The following ZNF595 variants were observed in gnomAD, a reference collection of about 807,000 sequenced individuals.
The protein encoded by ZNF595 is zinc finger protein 595.
Under a neutral mutation model 19.4 loss-of-function variants are expected in ZNF595, and 9 were observed. The ratio of observed to expected loss-of-function variants is 0.46; its 90% CI spans 0.28 to 0.81. The LOEUF is 0.81. ZNF595 is among the 30% of genes least tolerant of loss of function. The pLI is 0.11. For missense variants in ZNF595, 729 were observed against 736.0 expected, an observed-to-expected ratio of 0.99 and a Z score of 0.11; for synonymous variants, 255 against 255.9, an observed-to-expected ratio of 1.00 and a Z score of 0.03.
At chr4:77,539 T>C (rs539644758) in intron 3 of ZNF595, among the ~76,000 whole-genome samples, 1 of 152,178 alleles carries the variant, frequency 6.6e-6, no homozygotes, top group Non-Finnish European at 1.5e-5. Context: ...CTTTCAGTCA[T>C]TACAGACTAG....
intron 3 of ZNF595, among the ~76,000 whole-genome samples, chr4:79,142 C>G (rs1218309400): frequency 6.6e-6 from 1 of 152,098 alleles, no homozygotes; most frequent in South Asian, 2.1e-4. Context: ...CTGAAGAACA[C>G]CATTTTACTT....
At chr4:73,775 T>C (rs1713530112) in intron 3 of ZNF595, among the ~76,000 whole-genome samples, 1 of 152,172 alleles carries the variant, frequency 6.6e-6, no homozygotes, top group African/African-American at 2.4e-5. Flanking sequence ...TTTTATCAAA[T>C]CCTTTAACTT....
At chr4:74,882 T>G (rs1713581934) in intron 3 of ZNF595, among the ~76,000 whole-genome samples, 1 of 152,242 alleles carries the variant, frequency 6.6e-6, no homozygotes, top group Non-Finnish European at 1.5e-5. Context: ...TCCCTTTAGC[T>G]TAGTGATTTG....
chr4:86,858 TA>T lies in ZNF595; in HGVS notation c.1355del (p.Tyr452SerfsTer16). ...HKRIHSGQKP[Y>X]KCEECGKAFT... ...GAGAATCCATTCTGGGCAAAAACCT[TA>T]CAAATGTGAAGAATGTGGCAAAGCC... On this transcript the variant is annotated frameshift_variant, in exon 4 of 4. Coordinates refer to ENST00000610261, the MANE Select transcript of ZNF595 (RefSeq NM_182524.4). LOFTEE classifies it high-confidence loss of function. 6.2e-7 allele frequency: 1 copy of T among 1,613,752 alleles called. No individual in the cohort carries two copies. Among genetic ancestry groups the T allele is most frequent in the Non-Finnish European group, 8.5e-7 (1 of 1,179,848 alleles).
intron 3 of ZNF595, among the ~76,000 whole-genome samples, chr4:78,201 G>A (rs1199095288): frequency 6.6e-6 from 1 of 152,094 alleles, no homozygotes; most frequent in African/African-American, 2.4e-5. Flanking sequence ...GTAGAGATGG[G>A]GTTTCACCGT....
At position 86,557 on chromosome 4, in the gene ZNF595, A is replaced by G. The variant is rs781953753; in HGVS notation, c.1053A>G (p.Gln351=). 2.0e-5 allele frequency: 33 copies of G among 1,613,354 alleles called. No homozygotes were observed. In the Middle Eastern group the frequency reaches 8.2e-4, roughly 40 times the overall value. ...AAAAATGTGGCAAAGCTTTTAACCAATCCTCAAGTCTTATTATACACAGGA... is the reference window on the plus strand; with the variant it reads ...AAAAATGTGGCAAAGCTTTTAACCAGTCCTCAAGTCTTATTATACACAGGA... ...TCEKCGKAFN[Q]SSSLIIHRSI... Residue 351 remains glutamine, a synonymous_variant, in exon 4 of 4, where the codon CAA becomes CAG. Coordinates refer to ENST00000610261, the MANE Select transcript of ZNF595 (RefSeq NM_182524.4).
intron 3 of ZNF595, among the ~76,000 whole-genome samples, chr4:80,565 G>A (rs374374267): frequency 3.3e-5 from 5 of 152,168 alleles, no homozygotes; most frequent in South Asian, 2.1e-4. Flanking sequence ...CCAAAAAAGA[G>A]AGTCAGCGAA....
rs536947707 is a variant in ZNF595, at chr4:82,882, A to G, written c.227-2849A>G. Reference sequence around the variant, plus strand: ...AGAGTTCTCTACAATTCTATTAGACATAATTGTTTTATACTGCTTTGAAGT... The same window carrying G: ...AGAGTTCTCTACAATTCTATTAGACGTAATTGTTTTATACTGCTTTGAAGT... On this transcript the variant is annotated intron_variant, in intron 3 of 3. Coordinates refer to ENST00000610261, the MANE Select transcript of ZNF595 (RefSeq NM_182524.4). Among the ~76,000 whole-genome samples the G allele has an allele frequency of 3.6e-4, 55 of 152,290 alleles. No individual in the cohort carries two copies. In the South Asian group the frequency reaches 7.0e-3, roughly 19 times the overall value.
Position 87,220 on chromosome 4 carries a change from C to T in ZNF595, c.1716C>T (p.Ala572=), listed in dbSNP as rs782259809. The change falls in exon 4 of 4, where the codon GCC becomes GCT. Residue 572 remains alanine (A), a synonymous_variant. Transcript: ENST00000610261. The stretch of plus-strand genomic sequence containing the variant: ...ACAAATGCAAAGAATGTGGCAAAGC[C>T]TATAACTTATCCTCAACCCTTACTA... The part of the protein sequence containing the change: ...KPYKCKECGK[A]YNLSSTLTKH... 1 of 1,594,486 alleles carries T rather than the reference C, an allele frequency of 6.3e-7. No individual in the cohort carries two copies. Among genetic ancestry groups the T allele is most frequent in the Non-Finnish European group, 8.6e-7 (1 of 1,167,532 alleles).
chr4:79,662 C>T (rs1434138442), intron 3 of ZNF595, among the ~76,000 whole-genome samples: 2 of 146,918 alleles, frequency 1.4e-5, no homozygotes, highest in African/African-American at 5.0e-5. Context: ...AGTGCAGTAT[C>T]TCCAGCTTTG....
chr4:81,156 G>A (rs548314744), intron 3 of ZNF595, among the ~76,000 whole-genome samples: 5 of 152,318 alleles, frequency 3.3e-5, no homozygotes, highest in East Asian at 1.9e-4. Flanking sequence ...TGCAAAGGAC[G>A]TGAACTCATT....
Position 86,437 on chromosome 4 carries a change from C to A in ZNF595, c.933C>A (p.Pro311=), listed in dbSNP as rs781985989. The A allele has an allele frequency of 6.2e-7, 1 of 1,613,836 alleles. No individual in the cohort carries two copies. The highest frequency in any genetic ancestry group is 1.7e-5 in the Admixed American group (1 of 59,976). ...EHKNIHTGEK[P]YKCKECGKAF... ...AGAATATTCATACTGGAGAGAAACC[C>A]TACAAATGTAAAGAATGTGGCAAAG... Residue 311 remains proline, a synonymous_variant, in exon 4 of 4, where the codon CCC becomes CCA. Coordinates refer to ENST00000610261, the MANE Select transcript of ZNF595 (RefSeq NM_182524.4).
At chr4:67,424 T>A (rs1353902243) in intron 3 of ZNF595, among the ~76,000 whole-genome samples, 2 of 152,304 alleles carry the variant, frequency 1.3e-5, no homozygotes, top group Admixed American at 6.5e-5. Flanking sequence ...TGAGTTTAAC[T>A]ACTTTAGGTA....
In ZNF595 at chr4:87,106, A is replaced by G. The variant is rs1350399123; in HGVS notation, c.1602A>G (p.Lys534=). The change falls in exon 4 of 4, where the codon AAA becomes AAG. Residue 534 remains lysine (K), a synonymous_variant. Coordinates refer to ENST00000610261, the MANE Select transcript of ZNF595 (RefSeq NM_182524.4). ...IIHRSIHSEQ[K]LYKCEECGKA... ...ACAGGAGCATTCATTCTGAACAAAAACTTTACAAATGTGAAGAATGTGGCA... is the reference window on the plus strand; with the variant it reads ...ACAGGAGCATTCATTCTGAACAAAAGCTTTACAAATGTGAAGAATGTGGCA... The G allele has an allele frequency of 1.2e-6, 2 of 1,613,864 alleles. No individual in the cohort carries two copies. Among genetic ancestry groups the G allele is most frequent in the Admixed American group, 1.7e-5 (1 of 59,984 alleles).
At chr4:74,761 T>A (rs1713575646) in intron 3 of ZNF595, among the ~76,000 whole-genome samples, 1 of 152,194 alleles carries the variant, frequency 6.6e-6, no homozygotes, top group Non-Finnish European at 1.5e-5. Context: ...TTTGAGTTTC[T>A]GATTAGCCTC....
Position 84,663 on chromosome 4 carries a change from C to T in ZNF595, c.227-1068C>T, listed in dbSNP as rs529360009. Among the ~76,000 whole-genome samples, 56 of 152,270 alleles carry T rather than the reference C, an allele frequency of 3.7e-4. 1 individual carries two copies. Among genetic ancestry groups the T allele is most frequent in the African/African-American group, 1.3e-3 (56 of 41,576 alleles). The stretch of plus-strand genomic sequence containing the variant: ...CTTTTGAAACTTTGCTTATATAAAT[C>T]TCTGTGTATGTATCCTAGTTGAAGT... On this transcript the variant is annotated intron_variant, in intron 3 of 3. Coordinates refer to ENST00000610261, the MANE Select transcript of ZNF595 (RefSeq NM_182524.4).
chr4:69,022 TG>T (rs1462585478), intron 3 of ZNF595, among the ~76,000 whole-genome samples: 3 of 152,244 alleles, frequency 2.0e-5, no homozygotes, highest in Admixed American at 6.5e-5. Context: ...ATCATGTGCC[TG>T]GCTTATTTCT....
At chr4:60,824 TA>T (rs1581322369) in intron 3 of ZNF595, among the ~76,000 whole-genome samples, 1 of 152,300 alleles carries the variant, frequency 6.6e-6, no homozygotes, top group African/African-American at 2.4e-5. Flanking sequence ...TATGTTATTT[TA>T]CTTCAAAATG....
intron 3 of ZNF595, among the ~76,000 whole-genome samples, chr4:78,427 A>G (rs1409629802): frequency 2.0e-5 from 3 of 152,268 alleles, no homozygotes; most frequent in Admixed American, 6.5e-5. Context: ...AAATGTACAT[A>G]TAAATCAGAT....
Sources: gnomAD v4.1 joint callset for allele counts (sites outside exome capture counted in the v4.1 genomes callset) on GRCh38, gnomAD v4.1.1 for gene constraint, MANE v1.5 for transcripts, NCBI Gene and HGNC (gene_info 2026-07-23, HGNC 2026-07-21) for gene names.